The following ACSS3 variants were observed in gnomAD, a reference collection of about 807,000 sequenced individuals.
ACSS3 encodes the protein acyl-CoA synthetase short-chain family member 3, mitochondrial.
Under a neutral mutation model 84.2 loss-of-function variants are expected in ACSS3, and 64 were observed. The ratio of observed to expected loss-of-function variants is 0.76; its 90% CI spans 0.62 to 0.94. The LOEUF is 0.94. ACSS3 is among the 40% of genes least tolerant of loss of function. The pLI is 0.00. For synonymous variants in ACSS3, 317 were observed against 310.1 expected (o/e 1.02, Z -0.23); for missense variants, 815 against 867.6 (o/e 0.94, Z 0.76).
chr12:81,159,644 T>G (rs1887054072), intron 7 of ACSS3, among the ~76,000 whole-genome samples: 1 of 152,238 alleles, frequency 6.6e-6, no homozygotes. Context: ...CCAATAGATC[T>G]AACCCTAACC....
intron 9 of ACSS3, among the ~76,000 whole-genome samples, chr12:81,205,122 C>T (rs181727793): frequency 8.8e-4 from 134 of 152,192 alleles, no homozygotes; most frequent in Non-Finnish European, 7.9e-4. Flanking sequence ...TATATACAGC[C>T]TAACTCTTCC....
At chr12:81,139,317 A>G (rs3741980) in intron 4 of ACSS3, 52 bp downstream of exon 4, 27,686 of 1,587,232 alleles carry the variant, frequency 0.017, 1,018 homozygotes, top group African/African-American at 0.14. Context: ...GCTAAGAATG[A>G]GTTTAGTTTT....
Position 81,220,058 on chromosome 12 carries a change from T to G in ACSS3, c.1496T>G (p.Leu499Ter). The G allele has an allele frequency of 6.5e-7, 1 of 1,544,250 alleles. No individual in the cohort carries two copies. Among genetic ancestry groups the G allele is most frequent in the Non-Finnish European group, 8.7e-7 (1 of 1,144,428 alleles). ...DNMQKLKARC[L>*]GNIVVKLPLP... ...ATGCAAAAACTGAAGGCTCGGTGTT[T>G]AGGAAATATTGTGGTAAAGTAAGCA... is the stretch of plus-strand genomic sequence containing the variant. The change falls in exon 11 of 16, where the codon TTA becomes TGA. Residue 499 changes from leucine (L) to a stop codon, truncating the protein, a stop_gained. Transcript: ENST00000548058. LOFTEE classifies it high-confidence loss of function.
rs185871681 is a variant in ACSS3, at chr12:81,236,158, T to G, written c.1719+2687T>G. On this transcript the variant is annotated intron_variant, in intron 13 of 15. Transcript: ENST00000548058. ...GTATTTCTAATTTGCTGAAGTGTTA[T>G]TTTTAATTATGAATGAATGTTGAAT... Among the ~76,000 whole-genome samples the G allele has an allele frequency of 1.1e-3, 167 of 147,286 alleles. 2 individuals carry two copies. The highest frequency in any genetic ancestry group is 4.4e-3 in the African/African-American group (163 of 37,340).
At chr12:81,200,889 C>CAAAAAAAAAAAAAAAAAA (rs35916130) in intron 9 of ACSS3, among the ~76,000 whole-genome samples, 1 of 56,504 alleles carries the variant, frequency 1.8e-5, no homozygotes, top group Non-Finnish European at 3.8e-5. Context: ...GCAAGACTGT[C>CAAAAAAAAAAAAAAAAAA]AAAAAAAAAA....
intron 7 of ACSS3, among the ~76,000 whole-genome samples, chr12:81,156,535 T>C (rs572823701): frequency 6.6e-6 from 1 of 152,018 alleles, no homozygotes; most frequent in African/African-American, 2.4e-5. Flanking sequence ...ATAAATGAAA[T>C]GGACAAACCT....
chr12:81,077,976 G>C (rs987667704), upstream of ACSS3: 9 of 1,026,626 alleles, frequency 8.8e-6, no homozygotes, highest in Middle Eastern at 3.3e-4. Context: ...GGTTTTTCCC[G>C]GCGACTCTAG....
intron 13 of ACSS3, among the ~76,000 whole-genome samples, chr12:81,251,458 G>A (rs76071326): frequency 2.0e-3 from 301 of 152,024 alleles, no homozygotes; most frequent in African/African-American, 6.9e-3. Context: ...AATGGGGGAG[G>A]CTATGTATAT....
intron 2 of ACSS3, among the ~76,000 whole-genome samples, chr12:81,117,072 G>T (rs1277175540): frequency 1.3e-5 from 2 of 152,046 alleles, no homozygotes; most frequent in African/African-American, 4.8e-5. Flanking sequence ...TCACTGATAG[G>T]TTCTTACTAG....
At chr12:81,248,096 A>G (rs1017515249) in intron 13 of ACSS3, among the ~76,000 whole-genome samples, 4 of 152,062 alleles carry the variant, frequency 2.6e-5, no homozygotes, top group Non-Finnish European at 5.9e-5. Context: ...GAACTCATAC[A>G]CGGTTAGTAG....
intron 12 of ACSS3, among the ~76,000 whole-genome samples, chr12:81,233,110 T>C (rs902959532): frequency 2.6e-5 from 4 of 151,782 alleles, no homozygotes; most frequent in East Asian, 3.9e-4. Context: ...TACAACTCTA[T>C]ATTCAAACAC....
intron 1 of ACSS3, among the ~76,000 whole-genome samples, chr12:81,078,887 G>A (rs1241168955): frequency 1.3e-5 from 2 of 152,160 alleles, no homozygotes; most frequent in Admixed American, 1.3e-4. Context: ...TGGAAGGATG[G>A]GTATGTCTTC....
At chr12:81,254,523 G>A (rs1480427045) in intron 15 of ACSS3, among the ~76,000 whole-genome samples, 1 of 152,000 alleles carries the variant, frequency 6.6e-6, no homozygotes, top group East Asian at 1.9e-4. Context: ...ATAATAAAAG[G>A]CAATGCAACA....
intron 13 of ACSS3, among the ~76,000 whole-genome samples, chr12:81,244,872 C>T (rs910002545): frequency 2.0e-5 from 3 of 151,594 alleles, no homozygotes; most frequent in East Asian, 1.9e-4. Flanking sequence ...TCATATGAAA[C>T]TCTGTTTCTA....
chr12:81,173,111 C>A (rs1313953206), intron 7 of ACSS3, among the ~76,000 whole-genome samples: 1 of 152,130 alleles, frequency 6.6e-6, no homozygotes, highest in African/African-American at 2.4e-5. Flanking sequence ...GTGTCATACT[C>A]AAGGAACTGA....
At chr12:81,089,867 A>G (rs1727974781) in intron 1 of ACSS3, among the ~76,000 whole-genome samples, 1 of 152,008 alleles carries the variant, frequency 6.6e-6, no homozygotes, top group Non-Finnish European at 1.5e-5. Context: ...CATTTTTATA[A>G]TACTGTAAAC....
intron 8 of ACSS3, among the ~76,000 whole-genome samples, chr12:81,190,562 A>G (rs1173083963): frequency 3.9e-5 from 6 of 152,030 alleles, no homozygotes; most frequent in African/African-American, 1.4e-4. Flanking sequence ...TGAGAAAAGT[A>G]TCAATTTTAT....
At chr12:81,213,841 C>CTCTTCTCTTA (rs1565723840) in intron 9 of ACSS3, among the ~76,000 whole-genome samples, 1 of 72,682 alleles carries the variant, frequency 1.4e-5, no homozygotes, top group Non-Finnish European at 3.3e-5. Flanking sequence ...CTCTTCTCTT[C>CTCTTCTCTTA]TCTCCTCTCC....
At position 81,217,001 on chromosome 12, in the gene ACSS3, G is replaced by A; in HGVS notation, c.1450+5G>A. 2 of 1,602,254 alleles carry A rather than the reference G, an allele frequency of 1.2e-6. No individual in the cohort carries two copies. Among genetic ancestry groups the A allele is most frequent in the South Asian group, 1.1e-5 (1 of 90,834 alleles). ...AAAGCGTCCCAGGATACAATGGTAA[G>A]GAATGACCCTGATAATACGTAAAGT... On this transcript the variant is annotated splice_donor_5th_base_variant and intron_variant, in intron 10 of 15. Coordinates refer to ENST00000548058, the MANE Select transcript of ACSS3 (RefSeq NM_024560.4).
Sources: allele counts gnomAD v4.1 joint callset (sites outside exome capture counted in the v4.1 genomes callset), GRCh38; gene constraint gnomAD v4.1.1; transcripts MANE v1.5; gene names NCBI Gene and HGNC (gene_info 2026-07-23, HGNC 2026-07-21).